Variants in PDE4B observed in about 807,000 individuals in gnomAD.
PDE4B encodes the protein 3',5'-cyclic-AMP phosphodiesterase 4B.
In PDE4B, 20 loss-of-function variants were observed where a neutral mutation model predicts 82.2. That is an observed-to-expected ratio of 0.24 (90% CI 0.17 to 0.35). The LOEUF (loss-of-function observed/expected upper bound fraction) is 0.35. PDE4B is among the 10% of genes least tolerant of loss of function. PDE4B has a pLI of 1.00. For missense variants in PDE4B, 655 were observed against 907.2 expected, an observed-to-expected ratio of 0.72 and a Z score of 3.57; for synonymous variants, 320 against 318.9, an observed-to-expected ratio of 1.00 and a Z score of -0.04.
chr1:66,173,898 C>T (rs1308781924), intron 3 of PDE4B, among the ~76,000 whole-genome samples: 1 of 152,088 alleles, frequency 6.6e-6, no homozygotes, highest in African/African-American at 2.4e-5. Flanking sequence ...GCAATCCTCC[C>T]ACCTCAGCCT....
At chr1:66,183,979 T>C (rs771521001) in intron 3 of PDE4B, among the ~76,000 whole-genome samples, 3 of 152,130 alleles carry the variant, frequency 2.0e-5, no homozygotes, top group Non-Finnish European at 4.4e-5. Flanking sequence ...ATGATGGATG[T>C]GGCCTTCGGG....
At chr1:65,814,708 G>A (rs6685939) in intron 1 of PDE4B, among the ~76,000 whole-genome samples, 111,874 of 151,894 alleles carry the variant, frequency 0.74, 42,052 homozygotes, top group Non-Finnish European at 0.81. Flanking sequence ...TATAGTATCT[G>A]CTTTTTTTTG....
At chr1:66,186,563 T>G (rs1352948800) in intron 3 of PDE4B, among the ~76,000 whole-genome samples, 1 of 152,208 alleles carries the variant, frequency 6.6e-6, no homozygotes, top group East Asian at 1.9e-4. Flanking sequence ...CCCTTATAAG[T>G]TGGATTCCTA....
intron 3 of PDE4B, among the ~76,000 whole-genome samples, chr1:66,007,258 AAC>A (rs1308378218): frequency 6.6e-6 from 1 of 152,202 alleles, no homozygotes. Flanking sequence ...TAGCCTGACC[AAC>A]ATGGTGAAAC....
At chr1:66,149,138 TA>T (rs1646340294) in intron 3 of PDE4B, among the ~76,000 whole-genome samples, 1 of 152,248 alleles carries the variant, frequency 6.6e-6, no homozygotes, top group Non-Finnish European at 1.5e-5. Context: ...CAATGCTTTT[TA>T]CTGTTTGCCT....
intron 12 of PDE4B, among the ~76,000 whole-genome samples, chr1:66,364,481 T>A (rs1285471879): frequency 6.6e-6 from 1 of 152,166 alleles, no homozygotes; most frequent in African/African-American, 2.4e-5. Flanking sequence ...ATGAAAATGA[T>A]GGTCAAGTAC....
intron 3 of PDE4B, among the ~76,000 whole-genome samples, chr1:66,142,589 T>C (rs1199688994): frequency 6.6e-6 from 1 of 152,084 alleles, no homozygotes; most frequent in African/African-American, 2.4e-5. Context: ...AAAATAACCC[T>C]ACTGTTAGGA....
intron 9 of PDE4B, 46 bp from the exon 10 acceptor site, chr1:66,361,569 C>T (rs763214355): frequency 1.1e-5 from 17 of 1,502,886 alleles, no homozygotes; most frequent in Non-Finnish European, 1.4e-5. Flanking sequence ...GCAGTGGATT[C>T]TCATAGACAC....
chr1:66,139,942 T>C (rs943797433), intron 3 of PDE4B, among the ~76,000 whole-genome samples: 1 of 152,136 alleles, frequency 6.6e-6, no homozygotes, highest in Non-Finnish European at 1.5e-5. Flanking sequence ...ACTTAGTAAA[T>C]AGTAGCTGCT....
intron 3 of PDE4B, among the ~76,000 whole-genome samples, chr1:66,241,146 T>C (rs1384484133): frequency 6.6e-6 from 1 of 152,230 alleles, no homozygotes; most frequent in Non-Finnish European, 1.5e-5. Context: ...GGAAGGGAAG[T>C]CATAGACTTT....
chr1:66,193,735 A>G (rs1297656515), intron 3 of PDE4B, among the ~76,000 whole-genome samples: 2 of 152,180 alleles, frequency 1.3e-5, no homozygotes, highest in East Asian at 3.8e-4. Context: ...GGAGAAATAA[A>G]CATAAATTAA....
intron 3 of PDE4B, among the ~76,000 whole-genome samples, chr1:66,034,715 A>G (rs958422754): frequency 1.2e-4 from 19 of 152,178 alleles, no homozygotes; most frequent in Non-Finnish European, 2.6e-4. Flanking sequence ...GAACCCTAGC[A>G]TGTCTAGGAA....
At chr1:66,362,053 G>T (rs1398958870) in intron 10 of PDE4B, among the ~76,000 whole-genome samples, 1 of 152,034 alleles carries the variant, frequency 6.6e-6, no homozygotes, top group African/African-American at 2.4e-5. Context: ...GAATGCCATT[G>T]TTGGGGCATC....
At chr1:65,961,243 CAA>C (rs1477523866) in intron 3 of PDE4B, among the ~76,000 whole-genome samples, 1 of 151,946 alleles carries the variant, frequency 6.6e-6, no homozygotes, top group Non-Finnish European at 1.5e-5. Flanking sequence ...AAAAACTGAG[CAA>C]AGACTTGAAT....
In PDE4B at chr1:66,204,773, A is replaced by G. The variant is rs193030135; in HGVS notation, c.282-42687A>G. ...ACCTTTTCTTTGACTAGGAAAGGGA[A>G]CTCCCTGACCCCTTGCACTTCCAGA... On this transcript the variant is annotated intron_variant, in intron 3 of 16. Coordinates refer to ENST00000341517, the MANE Select transcript of PDE4B (RefSeq NM_002600.4). Among the ~76,000 whole-genome samples the G allele has an allele frequency of 2.6e-5, 4 of 152,234 alleles. No homozygotes were observed. The East Asian group carries it at 7.7e-4, about 29-fold the overall frequency.
chr1:66,103,138 A>G (rs961628432), intron 3 of PDE4B, among the ~76,000 whole-genome samples: 2 of 152,138 alleles, frequency 1.3e-5, no homozygotes, highest in Admixed American at 6.6e-5. Flanking sequence ...GATTTTATTT[A>G]GAATTGGCAT....
intron 3 of PDE4B, among the ~76,000 whole-genome samples, chr1:65,937,149 G>A (rs1216639815): frequency 3.3e-5 from 5 of 152,144 alleles, no homozygotes; most frequent in African/African-American, 7.2e-5. Flanking sequence ...TCTGCCTGAG[G>A]GCTGTGCTTT....
At chr1:66,351,706 G>A (rs1661829162) in intron 8 of PDE4B, among the ~76,000 whole-genome samples, 1 of 152,176 alleles carries the variant, frequency 6.6e-6, no homozygotes, top group Non-Finnish European at 1.5e-5. Flanking sequence ...CATGAGAGGT[G>A]ATGTAACTAC....
intron 7 of PDE4B, among the ~76,000 whole-genome samples, chr1:66,292,833 G>T (rs1657186615): frequency 6.6e-6 from 1 of 152,124 alleles, no homozygotes; most frequent in Admixed American, 6.5e-5. Flanking sequence ...AATTCTACAT[G>T]ATTTGAAAAG....
Sources: allele counts gnomAD v4.1 joint callset (sites outside exome capture counted in the v4.1 genomes callset), GRCh38; gene constraint gnomAD v4.1.1; transcripts MANE v1.5; gene names NCBI Gene and HGNC (gene_info 2026-07-23, HGNC 2026-07-21).